PARD3: variants seen among roughly 807,000 people sequenced by gnomAD.
PARD3 encodes the protein par-3 family cell polarity regulator.
Under a neutral mutation model 155.4 loss-of-function variants are expected in PARD3, and 75 were observed. The ratio of observed to expected loss-of-function variants is 0.48; its 90% CI spans 0.40 to 0.58. The LOEUF (loss-of-function observed/expected upper bound fraction) is 0.58, where lower values mean the gene tolerates loss of function less well. Ranked by LOEUF, PARD3 falls within the 20% of genes least tolerant of loss-of-function variation. The pLI is 0.00. For synonymous variants in PARD3, 576 were observed against 610.5 expected, an observed-to-expected ratio of 0.94 and a Z score of 0.83; for missense variants, 1,642 against 1,721.7, an observed-to-expected ratio of 0.95 and a Z score of 0.82.
intron 21 of PARD3, among the ~76,000 whole-genome samples, chr10:34,282,348 C>T (rs1956199433): frequency 1.3e-5 from 2 of 152,090 alleles, no homozygotes; most frequent in Non-Finnish European, 2.9e-5. Context: ...TTATGATCAA[C>T]CTAGTTCCCA....
chr10:34,365,429 T>C (rs959627482), intron 12 of PARD3, among the ~76,000 whole-genome samples: 1 of 152,238 alleles, frequency 6.6e-6, no homozygotes, highest in African/African-American at 2.4e-5. Context: ...CATATTTTTA[T>C]GAATTAATGT....
chr10:34,550,948 C>A (rs2084503459), intron 2 of PARD3, among the ~76,000 whole-genome samples: 1 of 152,184 alleles, frequency 6.6e-6, no homozygotes, highest in South Asian at 2.1e-4. Context: ...CAAGCACGAG[C>A]AAGAACTCCA....
At chr10:34,254,498 T>C (rs1954544048) in intron 22 of PARD3, among the ~76,000 whole-genome samples, 1 of 151,864 alleles carries the variant, frequency 6.6e-6, no homozygotes, top group Admixed American at 6.6e-5. Flanking sequence ...CATTTAAAAA[T>C]AGTGATGAAA....
chr10:34,493,031 G>A (rs1416025906), intron 3 of PARD3, among the ~76,000 whole-genome samples: 1 of 152,174 alleles, frequency 6.6e-6, no homozygotes, highest in African/African-American at 2.4e-5. Flanking sequence ...CAAGATTAAT[G>A]TATTATAATT....
intron 23 of PARD3, among the ~76,000 whole-genome samples, chr10:34,121,797 G>A (rs182046673): frequency 6.6e-6 from 1 of 152,318 alleles, no homozygotes; most frequent in African/African-American, 2.4e-5. Flanking sequence ...CAATACCCCA[G>A]TCTCTACTAG....
At chr10:34,519,047 A>C (rs1304311161) in intron 2 of PARD3, among the ~76,000 whole-genome samples, 1 of 152,216 alleles carries the variant, frequency 6.6e-6, no homozygotes, top group Non-Finnish European at 1.5e-5. Context: ...ATCGTGAGGA[A>C]ACATCAGACA....
chr10:34,119,992 T>C (rs1005489292), intron 23 of PARD3, among the ~76,000 whole-genome samples: 9 of 149,802 alleles, frequency 6.0e-5, no homozygotes, highest in Middle Eastern at 3.4e-3. Flanking sequence ...TCAAACTTTC[T>C]AGTCTTCTTT....
At chr10:34,526,960 C>G (rs1397851842) in intron 2 of PARD3, among the ~76,000 whole-genome samples, 1 of 152,194 alleles carries the variant, frequency 6.6e-6, no homozygotes, top group African/African-American at 2.4e-5. Flanking sequence ...TGACTCATCA[C>G]TAAAATGTCT....
intron 16 of PARD3, among the ~76,000 whole-genome samples, chr10:34,339,643 A>G (rs920674762): frequency 6.6e-6 from 1 of 152,222 alleles, no homozygotes; most frequent in Non-Finnish European, 1.5e-5. Flanking sequence ...TAATGGATTG[A>G]AAATAGTATA....
At chr10:34,778,289 C>T (rs531931832) in intron 1 of PARD3, among the ~76,000 whole-genome samples, 41 of 152,226 alleles carry the variant, frequency 2.7e-4, no homozygotes, top group South Asian at 1.5e-3. Context: ...AGGAAGGTTG[C>T]GGTCTGCTGG....
chr10:34,187,592 T>G (rs1950542811), intron 22 of PARD3, among the ~76,000 whole-genome samples: 2 of 152,204 alleles, frequency 1.3e-5, no homozygotes, highest in Non-Finnish European at 2.9e-5. Flanking sequence ...ACAAAGAATC[T>G]AAACAACAGT....
intron 2 of PARD3, among the ~76,000 whole-genome samples, chr10:34,623,774 G>T (rs1403151613): frequency 6.7e-6 from 1 of 149,874 alleles, no homozygotes; most frequent in Non-Finnish European, 1.5e-5. Flanking sequence ...GAGGTCAGGA[G>T]ATCGAAACCA....
At chr10:34,651,335 G>A (rs2093009048) in intron 2 of PARD3, among the ~76,000 whole-genome samples, 1 of 152,180 alleles carries the variant, frequency 6.6e-6, no homozygotes, top group Non-Finnish European at 1.5e-5. Flanking sequence ...ACAACCCTTT[G>A]ATACTCCCCA....
chr10:34,666,971 T>G (rs1025790001), intron 2 of PARD3, among the ~76,000 whole-genome samples: 2 of 151,766 alleles, frequency 1.3e-5, no homozygotes, highest in Non-Finnish European at 2.9e-5. Context: ...AAGTTTGGTA[T>G]CAGCCTGGCC....
chr10:34,679,950 G>T (rs952554173), intron 2 of PARD3, among the ~76,000 whole-genome samples: 1 of 152,090 alleles, frequency 6.6e-6, no homozygotes, highest in Non-Finnish European at 1.5e-5. Flanking sequence ...GAGGGTGCAA[G>T]GTGTGAGGAC....
chr10:34,749,037 C>A (rs1342722837), intron 1 of PARD3, among the ~76,000 whole-genome samples: 1 of 152,206 alleles, frequency 6.6e-6, no homozygotes, highest in Non-Finnish European at 1.5e-5. Context: ...TGAAGCGTAA[C>A]CCATCAACTT....
chr10:34,434,934 C>G (rs937868166), intron 5 of PARD3, among the ~76,000 whole-genome samples: 1 of 152,054 alleles, frequency 6.6e-6, no homozygotes, highest in Non-Finnish European at 1.5e-5. Context: ...ATGAGCTGCA[C>G]AAATTCTGTA....
At chr10:34,577,201 T>C (rs141419560) in intron 2 of PARD3, among the ~76,000 whole-genome samples, 5 of 152,318 alleles carry the variant, frequency 3.3e-5, no homozygotes, top group African/African-American at 7.2e-5. Context: ...CTGCATTTCA[T>C]ATACCTGAAC....
At chr10:34,725,720 T>C (rs2094696795) in intron 1 of PARD3, among the ~76,000 whole-genome samples, 1 of 152,034 alleles carries the variant, frequency 6.6e-6, no homozygotes, top group Non-Finnish European at 1.5e-5. Context: ...TACACAACAC[T>C]CCAACCAAGA....
Sources: allele counts gnomAD v4.1 joint callset (sites outside exome capture counted in the v4.1 genomes callset), GRCh38; gene constraint gnomAD v4.1.1; transcripts MANE v1.5; gene names NCBI Gene and HGNC (gene_info 2026-07-23, HGNC 2026-07-21).